CTDSPL2: variants seen among roughly 807,000 people sequenced by gnomAD.
CTDSPL2 encodes the protein CTD small phosphatase-like protein 2.
In CTDSPL2, 5 loss-of-function variants were observed where a neutral mutation model predicts 60.0. The ratio of observed to expected loss-of-function variants is 0.08; its 90% CI spans 0.04 to 0.18. CTDSPL2 has a LOEUF of 0.18. CTDSPL2 is among the 10% of genes least tolerant of loss of function. CTDSPL2 has a pLI of 1.00. For missense variants in CTDSPL2, 370 were observed against 548.8 expected, an observed-to-expected ratio of 0.67 and a Z score of 3.26; for synonymous variants, 186 against 189.3, an observed-to-expected ratio of 0.98 and a Z score of 0.14.
intron 1 of CTDSPL2, among the ~76,000 whole-genome samples, chr15:44,440,826 C>T (rs1439443227): frequency 2.0e-5 from 3 of 151,982 alleles, no homozygotes; most frequent in South Asian, 2.1e-4. Flanking sequence ...ACATTGCATT[C>T]GTGGACTTTT....
chr15:44,441,772 G>T (rs1490869957), intron 1 of CTDSPL2, among the ~76,000 whole-genome samples: 1 of 152,130 alleles, frequency 6.6e-6, no homozygotes. Flanking sequence ...TAGGCTGGTG[G>T]TGGCATTCTT....
intron 2 of CTDSPL2, among the ~76,000 whole-genome samples, chr15:44,476,287 C>T (rs1311208374): frequency 3.3e-5 from 5 of 152,048 alleles, no homozygotes; most frequent in Non-Finnish European, 5.9e-5. Context: ...AGGATGGTCT[C>T]GATCTCCTGA....
Position 44,459,098 on chromosome 15 carries a change from A to G in CTDSPL2, c.84A>G (p.Ser28=). 1 of 1,613,362 alleles carries G rather than the reference A, an allele frequency of 6.2e-7. No individual in the cohort carries two copies. Among genetic ancestry groups the G allele is most frequent in the Non-Finnish European group, 8.5e-7 (1 of 1,179,614 alleles). Reference sequence around the variant, plus strand: ...CTGCCAGAGCAAAGAGGAAATATTCAGAGGTTGATGATAGCCTGCCTTCAG... The same window carrying G: ...CTGCCAGAGCAAAGAGGAAATATTCGGAGGTTGATGATAGCCTGCCTTCAG... ...QRTARAKRKY[S]EVDDSLPSGG... is the part of the protein sequence containing the mutation. Residue 28 remains serine (S), a synonymous_variant, in exon 2 of 13, where the codon TCA becomes TCG. Transcript: ENST00000260327.
At chr15:44,475,235 GCTT>G (rs2080892439) in intron 2 of CTDSPL2, among the ~76,000 whole-genome samples, 1 of 152,034 alleles carries the variant, frequency 6.6e-6, no homozygotes, top group African/African-American at 2.4e-5. Flanking sequence ...GGGAGGGCAT[GCTT>G]CTTTTACTGA....
At chr15:44,464,456 CAT>C (rs879800878) in intron 2 of CTDSPL2, among the ~76,000 whole-genome samples, 47 of 152,328 alleles carry the variant, frequency 3.1e-4, no homozygotes, top group Non-Finnish European at 5.7e-4. Flanking sequence ...GATTTAAACT[CAT>C]ATGTATTTAA....
At chr15:44,427,813 C>G (rs116908763) in intron 1 of CTDSPL2, 41 bp downstream of exon 1, 1 of 398,018 alleles carries the variant, frequency 2.5e-6, no homozygotes, top group Non-Finnish European at 4.4e-6. Flanking sequence ...CTTCCAATCT[C>G]AGTCCTCCTC....
chr15:44,428,067 A>G (rs1166798238), intron 1 of CTDSPL2: 2 of 181,976 alleles, frequency 1.1e-5, no homozygotes, highest in Admixed American at 6.2e-5. Context: ...CCCCACTCCG[A>G]TCTCAAGTTC....
chr15:44,434,434 C>G (rs1320730730), intron 1 of CTDSPL2, among the ~76,000 whole-genome samples: 1 of 152,178 alleles, frequency 6.6e-6, no homozygotes, highest in Non-Finnish European at 1.5e-5. Context: ...TACTCTCTCA[C>G]CTAGGCTGGA....
chr15:44,439,492 C>T (rs912104339), intron 1 of CTDSPL2, among the ~76,000 whole-genome samples: 2 of 151,602 alleles, frequency 1.3e-5, no homozygotes, highest in Non-Finnish European at 2.9e-5. Context: ...GTTGAGTATC[C>T]CTTATCTGAA....
Position 44,524,337 on chromosome 15 carries a change from T to TG in CTDSPL2, c.*163_*164insG. On this transcript the variant is annotated 3_prime_UTR_variant, in exon 13 of 13. Transcript: ENST00000260327. ...TAATTAAGGGTTACAGAAAGAGACT[T>TG]TATCTATCTCAGATCGAATACATAT... is the stretch of plus-strand genomic sequence containing the variant. 1.6e-6 allele frequency: 1 copy of TG among 622,974 alleles called. No homozygotes were observed. 38.6% of individuals were successfully genotyped at this position (622,974 alleles called of 1,614,324 possible).
intron 1 of CTDSPL2, among the ~76,000 whole-genome samples, chr15:44,441,653 A>T (rs551212265): frequency 6.6e-6 from 1 of 151,946 alleles, no homozygotes; most frequent in African/African-American, 2.4e-5. Flanking sequence ...TCTCCTAGGA[A>T]GGGGTTGTAT....
intron 1 of CTDSPL2, among the ~76,000 whole-genome samples, chr15:44,430,469 A>C (rs1310589977): frequency 2.6e-5 from 4 of 151,570 alleles, no homozygotes; most frequent in Non-Finnish European, 5.9e-5. Flanking sequence ...CTGCTTTGCA[A>C]CTCCTGGCTA....
chr15:44,475,284 T>C (rs977961909), intron 2 of CTDSPL2, among the ~76,000 whole-genome samples: 1 of 152,204 alleles, frequency 6.6e-6, no homozygotes, highest in South Asian at 2.1e-4. Context: ...CTATCTACTA[T>C]GCAAAGATTT....
intron 4 of CTDSPL2, 97 bp downstream of exon 4, chr15:44,486,797 T>C: frequency 3.2e-6 from 3 of 940,908 alleles, no homozygotes; most frequent in Non-Finnish European, 4.7e-6. Flanking sequence ...AGTCTCTCTT[T>C]GTTGCCCAGG....
intron 2 of CTDSPL2, among the ~76,000 whole-genome samples, chr15:44,482,632 G>A (rs902489372): frequency 1.3e-5 from 2 of 152,144 alleles, no homozygotes; most frequent in African/African-American, 2.4e-5. Context: ...TTAAAATACA[G>A]GAGAATAGTA....
At chr15:44,505,277 C>T (rs1363579422) in intron 8 of CTDSPL2, among the ~76,000 whole-genome samples, 1 of 151,762 alleles carries the variant, frequency 6.6e-6, no homozygotes, top group Non-Finnish European at 1.5e-5. Flanking sequence ...ACAAAAAATG[C>T]AAAAATAGGT....
intron 2 of CTDSPL2, among the ~76,000 whole-genome samples, chr15:44,460,269 C>G (rs2080539543): frequency 6.6e-6 from 1 of 152,098 alleles, no homozygotes; most frequent in African/African-American, 2.4e-5. Context: ...CGCCACCACA[C>G]CAGCTAATTT....
rs59691028 is a variant in CTDSPL2 at position 44,475,754 on chromosome 15, T to C, written c.187-8470T>C. 4.9e-3 allele frequency among the ~76,000 whole-genome samples: 748 copies of C among 152,332 alleles called. 10 individuals carry two copies. The highest frequency in any genetic ancestry group is 0.017 in the African/African-American group (714 of 41,584). Reference sequence around the variant, plus strand: ...ATATTTAAAGTATTAAATTCCTTTTTAAAAAACTCATTCTCAAATGACAGT... The same window carrying C: ...ATATTTAAAGTATTAAATTCCTTTTCAAAAAACTCATTCTCAAATGACAGT... On this transcript the variant is annotated intron_variant, in intron 2 of 12. Coordinates refer to ENST00000260327, the MANE Select transcript of CTDSPL2 (RefSeq NM_016396.3).
chr15:44,442,868 C>T lies in CTDSPL2; in HGVS notation c.-25+15096C>T, dbSNP rs568645593. Among the ~76,000 whole-genome samples the T allele has an allele frequency of 3.0e-3, 460 of 152,072 alleles. 3 individuals are homozygous for T. The highest frequency in any genetic ancestry group is 5.3e-3 in the Non-Finnish European group (362 of 67,978). On this transcript the variant is annotated intron_variant, in intron 1 of 12. Transcript: ENST00000260327. Reference sequence around the variant, plus strand: ...GTGCATGCCTGTAGTCCCAGCTACTCTGTAGGCTGAGGTGCGAAGATCGCT... The same window carrying T: ...GTGCATGCCTGTAGTCCCAGCTACTTTGTAGGCTGAGGTGCGAAGATCGCT...
Sources: allele counts gnomAD v4.1 joint callset (sites outside exome capture counted in the v4.1 genomes callset), GRCh38; gene constraint gnomAD v4.1.1; transcripts MANE v1.5; gene names NCBI Gene and HGNC (gene_info 2026-07-23, HGNC 2026-07-21).